Variants in KIF5B observed in about 807,000 individuals in gnomAD.
The protein encoded by KIF5B is kinesin-1 heavy chain.
In KIF5B, 49 loss-of-function variants were observed where a neutral mutation model predicts 132.8. That is an observed-to-expected ratio of 0.37 (90% CI 0.29 to 0.47). The LOEUF (loss-of-function observed/expected upper bound fraction) is 0.47. Ranked by LOEUF, KIF5B falls within the 20% of genes least tolerant of loss-of-function variation. The pLI, the probability that KIF5B is intolerant of heterozygous loss-of-function variation, is 1.00. For synonymous variants in KIF5B, 355 were observed against 369.4 expected, an observed-to-expected ratio of 0.96 and a Z score of 0.45; for missense variants, 780 against 1,144.0, an observed-to-expected ratio of 0.68 and a Z score of 4.59.
intron 2 of KIF5B, among the ~76,000 whole-genome samples, chr10:32,043,055 TCGGC>T (rs1325298864): frequency 2.7e-5 from 4 of 147,808 alleles, no homozygotes; most frequent in African/African-American, 1.1e-4. Context: ...TGGCGCAACC[TCGGC>T]TCACTGCAAC....
intron 5 of KIF5B, 92 bp downstream of exon 5, chr10:32,038,682 AATTT>A: frequency 1.3e-6 from 1 of 781,720 alleles, no homozygotes; most frequent in Non-Finnish European, 2.0e-6. Flanking sequence ...AACTTAAGAC[AATTT>A]CATATAGGTT....
Position 32,039,173 on chromosome 10 carries a change from T to C in KIF5B, c.393+154A>G, listed in dbSNP as rs188126286. On this transcript the variant is annotated intron_variant, in intron 4 of 25. Transcript: ENST00000302418. Reference sequence around the variant, plus strand: ...ACATTCCTGTTCATCTAATGGCAGATGAACAAAAATCCAAGTTTACTAACC... The same window carrying C: ...ACATTCCTGTTCATCTAATGGCAGACGAACAAAAATCCAAGTTTACTAACC... Among the ~76,000 whole-genome samples the C allele has an allele frequency of 1.1e-4, 17 of 152,286 alleles. No individual in the cohort carries two copies. The East Asian group carries it at 3.1e-3, about 28-fold the overall frequency.
At chr10:32,020,086 GGAGGAAAA>G in intron 19 of KIF5B, 127 bp from the exon 20 acceptor site, 1 of 586,454 alleles carries the variant, frequency 1.7e-6, no homozygotes. Flanking sequence ...TATACCCTAT[GGAGGAAAA>G]GAGGAAAGGG....
chr10:32,037,465 G>A (rs900185829), intron 7 of KIF5B, 55 bp downstream of exon 7: 3 of 1,586,620 alleles, frequency 1.9e-6, no homozygotes, highest in East Asian at 4.5e-5. Flanking sequence ...TAATCACCTG[G>A]ATAAGGATAT....
chr10:32,023,139 C>G, intron 15 of KIF5B, 103 bp from the exon 16 acceptor site: 1 of 537,694 alleles, frequency 1.9e-6, no homozygotes. Flanking sequence ...TTTAGTATTA[C>G]TCAATATTCA....
chr10:32,046,739 G>A (rs560182993), intron 2 of KIF5B, among the ~76,000 whole-genome samples: 8 of 152,070 alleles, frequency 5.3e-5, no homozygotes, highest in South Asian at 2.1e-4. Context: ...TTACTACCTC[G>A]GAAGTCAACT....
intron 14 of KIF5B, among the ~76,000 whole-genome samples, chr10:32,029,084 T>C (rs1841366502): frequency 6.6e-6 from 1 of 152,234 alleles, no homozygotes; most frequent in African/African-American, 2.4e-5. Flanking sequence ...TAATATTATC[T>C]GAGTTTAATG....
intron 1 of KIF5B, among the ~76,000 whole-genome samples, chr10:32,055,272 A>G (rs868201097): frequency 2.0e-5 from 3 of 152,120 alleles, no homozygotes; most frequent in Non-Finnish European, 2.9e-5. Context: ...TCACTCAAAA[A>G]GTGGTGGGTG....
Position 32,037,558 on chromosome 10 carries a change from A to G in KIF5B, c.548T>C (p.Ile183Thr). Residue 183 changes from isoleucine (I) to threonine (T), a missense_variant, in exon 7 of 26, where the codon ATA becomes ACA. Physicochemically the swap from Ile to Thr is moderately conservative, Grantham distance 89. Coordinates refer to ENST00000302418, the MANE Select transcript of KIF5B (RefSeq NM_004521.3). ...ATGTCTGTTGGATTTTCCTTCATCTATGGTATCCATAACTTCATCTGGACT... is the reference window on the plus strand; with the variant it reads ...ATGTCTGTTGGATTTTCCTTCATCTGTGGTATCCATAACTTCATCTGGACT... ...VCSPDEVMDTIDEGKSNRHVA... is the reference protein window; with the variant it reads ...VCSPDEVMDTTDEGKSNRHVA... 6.2e-7 allele frequency: 1 copy of G among 1,613,528 alleles called. No homozygotes were observed.
At position 32,034,050 on chromosome 10, in the gene KIF5B, AAAT is replaced by A; in HGVS notation, c.1112-15_1112-13del. 1 of 1,503,992 alleles carries A rather than the reference AAAT, an allele frequency of 6.6e-7. No homozygotes were observed. The highest frequency in any genetic ancestry group is 1.3e-5 in the South Asian group (1 of 76,334). The allele number at this position is 1,503,992 out of a possible 1,614,324, so 93.2% of individuals were successfully genotyped here. ...AGGCACCGTCTCCCCTAAAATAAGAAAATAAAGTGGTTAATAAAAAAACGACGT... is the reference window on the plus strand; with the variant it reads ...AGGCACCGTCTCCCCTAAAATAAGAAAAAGTGGTTAATAAAAAAACGACGT... On this transcript the variant is annotated splice_polypyrimidine_tract_variant and intron_variant, in intron 11 of 25. Coordinates refer to ENST00000302418, the MANE Select transcript of KIF5B (RefSeq NM_004521.3).
Position 32,031,245 on chromosome 10 carries a change from A to G in KIF5B, c.1409T>C (p.Met470Thr). The G allele has an allele frequency of 1.2e-6, 2 of 1,614,068 alleles. No individual in the cohort carries two copies. The highest frequency in any genetic ancestry group is 1.7e-4 in the Middle Eastern group (1 of 6,058). ...LASTRRDQDN[M>T]QAELNRLQAE... Reference sequence around the variant, plus strand: ...TTGAAGGCGATTCAGCTCAGCTTGCATATTGTCTTGATCCCTTCTGGTAGA... The same window carrying G: ...TTGAAGGCGATTCAGCTCAGCTTGCGTATTGTCTTGATCCCTTCTGGTAGA... Residue 470 changes from methionine (M) to threonine (T), a missense_variant, in exon 14 of 26, where the codon ATG (methionine) becomes ACG (threonine). Around this residue, in one of 9 missense-constraint regions of KIF5B, gnomAD observed 471 missense variants for 569.9 expected, o/e 0.83. Coordinates refer to ENST00000302418, the MANE Select transcript of KIF5B (RefSeq NM_004521.3).
Position 32,009,640 on chromosome 10 carries a change from A to G in KIF5B, c.*1897T>C, listed in dbSNP as rs950942372. ...TGATACATCTTACAAGAACAAAACT[A>G]ACATATTTGGAAAAAAGAGAAAAAA... On this transcript the variant is annotated 3_prime_UTR_variant, in exon 26 of 26. Transcript: ENST00000302418. 6.6e-6 allele frequency: 1 copy of G among 152,186 alleles called. No homozygotes were observed. The highest frequency in any genetic ancestry group is 2.4e-5 in the African/African-American group (1 of 41,450). The allele number at this position is 152,186 out of a possible 1,614,324, so 9.4% of individuals were successfully genotyped here.
chr10:32,040,309 G>GAATGGTTCACTAAATAATATT, intron 3 of KIF5B, 75 bp downstream of exon 3: 1 of 874,474 alleles, frequency 1.1e-6, no homozygotes, highest in Non-Finnish European at 2.0e-6. Flanking sequence ...GTTTATGCAT[G>GAATGGTTCACTAAATAATATT]GTGAAATAAT....
At chr10:32,036,827 T>C (rs1454393459) in intron 8 of KIF5B, among the ~76,000 whole-genome samples, 1 of 152,154 alleles carries the variant, frequency 6.6e-6, no homozygotes, top group African/African-American at 2.4e-5. Context: ...CTGTATAGAA[T>C]TGTAATAATG....
intron 2 of KIF5B, among the ~76,000 whole-genome samples, chr10:32,047,285 C>T (rs1281365474): frequency 6.6e-6 from 1 of 151,968 alleles, no homozygotes; most frequent in Non-Finnish European, 1.5e-5. Flanking sequence ...TTTCACTGCC[C>T]TTCAGCCTCC....
At chr10:32,012,491 C>G (rs1397304443) in intron 25 of KIF5B, among the ~76,000 whole-genome samples, 2 of 152,218 alleles carry the variant, frequency 1.3e-5, no homozygotes, top group African/African-American at 4.8e-5. Context: ...TTAAGTGAAT[C>G]ATATACTCCC....
chr10:32,044,564 CA>C (rs1841585112), intron 2 of KIF5B, among the ~76,000 whole-genome samples: 1 of 152,054 alleles, frequency 6.6e-6, no homozygotes, highest in South Asian at 2.1e-4. Flanking sequence ...CCCAGCTACT[CA>C]GGAGGCTGAG....
chr10:32,014,791 C>G (rs578012513), intron 25 of KIF5B, among the ~76,000 whole-genome samples: 7 of 152,096 alleles, frequency 4.6e-5, no homozygotes, highest in African/African-American at 1.7e-4. Context: ...TTTCTGGGAA[C>G]CTTCTGGAAA....
rs1355192195 is a variant in KIF5B at position 32,009,821 on chromosome 10, A to G, written c.*1716T>C. The G allele has an allele frequency of 6.6e-6, 1 of 152,198 alleles. No homozygotes were observed. Among genetic ancestry groups the G allele is most frequent in the East Asian group, 1.9e-4 (1 of 5,200 alleles). 9.4% of individuals were successfully genotyped at this position (152,198 alleles called of 1,614,324 possible). ...TTTTTGCTTGTTAACTATATTACTT[A>G]TAACTGGCTGCACCAACATTTCATC... On this transcript the variant is annotated 3_prime_UTR_variant, in exon 26 of 26. Transcript: ENST00000302418.
Sources: allele counts gnomAD v4.1 joint callset (sites outside exome capture counted in the v4.1 genomes callset), GRCh38; gene constraint gnomAD v4.1.1; regional missense constraint gnomAD v4.1.1; transcripts MANE v1.5; gene names NCBI Gene and HGNC (gene_info 2026-07-23, HGNC 2026-07-21).